The following TATDN2 variants were observed in gnomAD, a reference collection of about 807,000 sequenced individuals.
TATDN2 encodes 3'-5' RNA nuclease TATDN2.
Under a neutral mutation model 60.3 loss-of-function variants are expected in TATDN2, and 44 were observed. The observed-to-expected ratio is 0.73, with a 90% CI of 0.57 to 0.94. The LOEUF (loss-of-function observed/expected upper bound fraction) is 0.94. TATDN2 is among the 40% of genes least tolerant of loss of function. The probability of loss-of-function intolerance (pLI) is 0.00; values close to 1 mark genes in which losing one functional copy is unlikely to be tolerated. For synonymous variants in TATDN2, 399 were observed against 355.8 expected (o/e 1.12, Z -1.37); for missense variants, 997 against 948.0 (o/e 1.05, Z -0.68).
At chr3:10,268,933 C>A (rs1294915177) in intron 3 of TATDN2, among the ~76,000 whole-genome samples, 2 of 152,184 alleles carry the variant, frequency 1.3e-5, no homozygotes, top group Middle Eastern at 3.2e-3. Flanking sequence ...CTTAAAATAA[C>A]TTTTCTTTTG....
intron 2 of TATDN2, among the ~76,000 whole-genome samples, chr3:10,257,392 A>AG (rs1427201021): frequency 6.6e-6 from 1 of 150,650 alleles, no homozygotes; most frequent in African/African-American, 2.4e-5. Flanking sequence ...GCACTTTGGG[A>AG]GGCCGAGGTG....
chr3:10,269,150 C>T (rs1698520769), intron 3 of TATDN2, among the ~76,000 whole-genome samples: 1 of 152,064 alleles, frequency 6.6e-6, no homozygotes, highest in South Asian at 2.1e-4. Context: ...ACTGGCACAC[C>T]TACATGTGGC....
At chr3:10,267,401 T>A (rs1249553958) in intron 3 of TATDN2, among the ~76,000 whole-genome samples, 1 of 152,234 alleles carries the variant, frequency 6.6e-6, no homozygotes, top group Non-Finnish European at 1.5e-5. Flanking sequence ...TTTTTGAAAC[T>A]GCTTTTTTCC....
chr3:10,250,466 A>G (rs1427767485), intron 2 of TATDN2, among the ~76,000 whole-genome samples: 1 of 151,770 alleles, frequency 6.6e-6, no homozygotes, highest in East Asian at 1.9e-4. Context: ...CTGCCTGTGG[A>G]GGAGTGGAGA....
chr3:10,264,923 G>A (rs1043764080), intron 3 of TATDN2, among the ~76,000 whole-genome samples: 1 of 151,056 alleles, frequency 6.6e-6, no homozygotes, highest in South Asian at 2.1e-4. Context: ...TGATCTATCC[G>A]CCTCGGCCTC....
chr3:10,249,558 G>C lies in TATDN2; in HGVS notation c.358G>C (p.Ala120Pro). ...LSSGGSPLRP[A>P]NASLEEMASL... ...TTCAGGGGGATCCCCTCTGCGTCCTGCCAACGCCTCTTTGGAAGAAATGGC... is the reference window on the plus strand; with the variant it reads ...TTCAGGGGGATCCCCTCTGCGTCCTCCCAACGCCTCTTTGGAAGAAATGGC... Residue 120 changes from alanine to proline, a missense_variant, in exon 2 of 8, where the codon GCC becomes CCC. Physicochemically the swap from Ala to Pro is conservative, Grantham distance 27 (BLOSUM62 -1). Transcript: ENST00000448281. The C allele has an allele frequency of 6.4e-7, 1 of 1,556,526 alleles. No homozygotes were observed. The highest frequency in any genetic ancestry group is 2.0e-5 in the Admixed American group (1 of 50,076).
At chr3:10,256,286 G>A (rs1052052075) in intron 2 of TATDN2, among the ~76,000 whole-genome samples, 1 of 151,990 alleles carries the variant, frequency 6.6e-6, no homozygotes, top group African/African-American at 2.4e-5. Flanking sequence ...CAATCCTTCT[G>A]TCTCAGCTCC....
At chr3:10,260,866 C>CTT (rs35507180) in intron 3 of TATDN2, among the ~76,000 whole-genome samples, 196 bp downstream of exon 3, 14 of 146,038 alleles carry the variant, frequency 9.6e-5, no homozygotes, top group African/African-American at 3.3e-4. Flanking sequence ...AAACTAAGTG[C>CTT]TTTTTTTTTT....
chr3:10,258,356 C>T (rs1047554275), intron 2 of TATDN2, among the ~76,000 whole-genome samples: 2 of 152,074 alleles, frequency 1.3e-5, no homozygotes, highest in East Asian at 1.9e-4. Flanking sequence ...CGGCTTACTG[C>T]ATCCTCCGCC....
Position 10,260,274 on chromosome 3 carries a change from A to G in TATDN2, c.552A>G (p.Thr184=), listed in dbSNP as rs1698381031. 6.2e-7 allele frequency: 1 copy of G among 1,614,112 alleles called. No individual in the cohort carries two copies. The highest frequency in any genetic ancestry group is 1.3e-5 in the African/African-American group (1 of 74,940). Residue 184 remains threonine (T), a synonymous_variant, in exon 3 of 8, where the codon ACA becomes ACG. Coordinates refer to ENST00000448281, the MANE Select transcript of TATDN2 (RefSeq NM_014760.4). ...KRDRLRDQGS[T]MIYLKAIQGI... is the part of the protein sequence containing the mutation. ...ATAGACTTCGAGACCAGGGCTCCAC[A>G]ATGATCTACCTGAAGGCTATCCAGG...
chr3:10,262,149 T>C (rs1467267324), intron 3 of TATDN2, among the ~76,000 whole-genome samples: 3 of 152,194 alleles, frequency 2.0e-5, no homozygotes, highest in African/African-American at 7.2e-5. Flanking sequence ...GGAATCTGTT[T>C]CTTTTTTTTC....
rs1698683636 is a variant in TATDN2, at chr3:10,279,049, A to G, written c.*24A>G. On this transcript the variant is annotated 3_prime_UTR_variant, in exon 7 of 8. Transcript: ENST00000448281. ...AAGCAGAGAAGGTACAGTCCTCGGG[A>G]GTCTCCTAGAAAAGGTCGTAAAACT... The G allele has an allele frequency of 6.2e-7, 1 of 1,608,222 alleles. No individual in the cohort carries two copies. The highest frequency in any genetic ancestry group is 8.5e-7 in the Non-Finnish European group (1 of 1,177,918).
intron 2 of TATDN2, among the ~76,000 whole-genome samples, chr3:10,255,833 T>C (rs1445369877): frequency 6.6e-6 from 1 of 152,120 alleles, no homozygotes; most frequent in South Asian, 2.1e-4. Flanking sequence ...TCCCAACTAC[T>C]CAGGAGGCTG....
rs2543995 is a variant in TATDN2 at position 10,257,247 on chromosome 3, C to T, written c.415-2890C>T. On this transcript the variant is annotated intron_variant, in intron 2 of 7. Transcript: ENST00000448281. ...GTTGCAGCGAGCTGAGGTTACACCC[C>T]GCACTCCAGCCTGGACAACAGAGTG... 7.1e-3 allele frequency among the ~76,000 whole-genome samples: 1,051 copies of T among 148,846 alleles called. 8 individuals carry two copies. Among genetic ancestry groups the T allele is most frequent in the East Asian group, 0.024 (115 of 4,854 alleles).
chr3:10,255,071 G>A (rs1245558426), intron 2 of TATDN2, among the ~76,000 whole-genome samples: 3 of 136,494 alleles, frequency 2.2e-5, no homozygotes, highest in African/African-American at 8.4e-5. Flanking sequence ...GAAGTGCAGT[G>A]GTGCAATTGG....
chr3:10,269,593 T>G (rs1369904292), intron 3 of TATDN2, among the ~76,000 whole-genome samples: 1 of 151,990 alleles, frequency 6.6e-6, no homozygotes, highest in Non-Finnish European at 1.5e-5. Context: ...CCCAGCTACT[T>G]GGATGGCTGA....
chr3:10,260,200 C>G lies in TATDN2; in HGVS notation c.478C>G (p.Gln160Glu). 6.2e-7 allele frequency: 1 copy of G among 1,613,946 alleles called. No individual in the cohort carries two copies. Among genetic ancestry groups the G allele is most frequent in the Admixed American group, 1.7e-5 (1 of 59,998 alleles). ...NSEFAAEAEG[Q>E]NDTIEEPNKV... is the part of the protein sequence containing the mutation. ...TGAATTTGCAGCTGAAGCTGAGGGT[C>G]AGAATGATACAATTGAGGAACCCAA... Residue 160 changes from glutamine to glutamate, a missense_variant, in exon 3 of 8, where the codon CAG (glutamine) becomes GAG (glutamate). Coordinates refer to ENST00000448281, the MANE Select transcript of TATDN2 (RefSeq NM_014760.4).
At position 10,279,913 on chromosome 3, in the gene TATDN2, A is replaced by AG. The variant is rs542726665; in HGVS notation, c.*733dup. On this transcript the variant is annotated 3_prime_UTR_variant, in exon 8 of 8. Coordinates refer to ENST00000448281, the MANE Select transcript of TATDN2 (RefSeq NM_014760.4). ...CCGGGAAGAGGCTTTCTTGGGGAAG[A>AG]GGACCCCAAAGGAGGTACTTCCTCC... is the stretch of plus-strand genomic sequence containing the variant. The AG allele has an allele frequency of 9.1e-5, 14 of 153,870 alleles. No homozygotes were observed. In the East Asian group the frequency reaches 1.7e-3, roughly 19 times the overall value. 9.5% of individuals were successfully genotyped at this position (153,870 alleles called of 1,614,324 possible).
At chr3:10,271,297 C>A (rs1321529691) in intron 4 of TATDN2, among the ~76,000 whole-genome samples, 1 of 152,130 alleles carries the variant, frequency 6.6e-6, no homozygotes, top group Non-Finnish European at 1.5e-5. Context: ...TCTTGGGAAG[C>A]AATAAACTTT....
Sources: gnomAD v4.1 joint callset for allele counts (sites outside exome capture counted in the v4.1 genomes callset) on GRCh38, gnomAD v4.1.1 for gene constraint, MANE v1.5 for transcripts, NCBI Gene and HGNC (gene_info 2026-07-23, HGNC 2026-07-21) for gene names.